Variants in IGSF21 observed in about 807,000 individuals in gnomAD.
IGSF21 encodes the protein immunoglobin superfamily member 21, also known as immunoglobulin superfamily member 21.
In IGSF21, 28 loss-of-function variants were observed where a neutral mutation model predicts 46.8. The ratio of observed to expected loss-of-function variants is 0.60; its 90% CI spans 0.44 to 0.82. The LOEUF (loss-of-function observed/expected upper bound fraction) is 0.82, where lower values mean the gene tolerates loss of function less well. IGSF21 is among the 40% of genes least tolerant of loss of function. IGSF21 has a pLI of 0.00. For synonymous variants in IGSF21, 284 were observed against 273.6 expected (o/e 1.04, Z -0.38); for missense variants, 624 against 665.5 (o/e 0.94, Z 0.69).
chr1:18,132,828 G>A (rs1392823573), intron 1 of IGSF21, among the ~76,000 whole-genome samples: 2 of 148,864 alleles, frequency 1.3e-5, no homozygotes, highest in Non-Finnish European at 3.0e-5. Flanking sequence ...TAAGCATCTG[G>A]CAAGCCTCCT....
intron 1 of IGSF21, among the ~76,000 whole-genome samples, chr1:18,226,596 T>C (rs778921379): frequency 2.0e-5 from 3 of 152,204 alleles, no homozygotes; most frequent in Non-Finnish European, 2.9e-5. Flanking sequence ...CCTGAAGCCT[T>C]GGACCGTGCA....
At chr1:18,314,250 C>A (rs1402468432) in intron 3 of IGSF21, among the ~76,000 whole-genome samples, 5 of 151,842 alleles carry the variant, frequency 3.3e-5, no homozygotes, top group Admixed American at 6.6e-5. Flanking sequence ...AACCTATTCT[C>A]CTGCATCTGC....
intron 2 of IGSF21, among the ~76,000 whole-genome samples, chr1:18,228,237 A>G (rs2084589720): frequency 1.3e-5 from 2 of 152,106 alleles, no homozygotes. Context: ...TTGTGCTCCT[A>G]TTATGCCCCT....
rs116089797 is a variant in IGSF21 at position 18,378,065 on chromosome 1, G to A, written c.1334-191G>A. Among the ~76,000 whole-genome samples, 1,211 of 152,298 alleles carry A rather than the reference G, an allele frequency of 8.0e-3. 18 individuals are homozygous for A. The highest frequency in any genetic ancestry group is 0.027 in the African/African-American group (1,109 of 41,560). On this transcript the variant is annotated intron_variant, in intron 9 of 9. Transcript: ENST00000251296. ...CTCATGGCCTCTAGGAAATCTGACC[G>A]TAGCCCAGCAAGCCTAGTGGTAGGG...
chr1:18,202,671 G>A (rs1013462965), intron 1 of IGSF21, among the ~76,000 whole-genome samples: 10 of 152,138 alleles, frequency 6.6e-5, no homozygotes, highest in African/African-American at 1.9e-4. Flanking sequence ...AGAACAGTAT[G>A]GGGGAAACCG....
chr1:18,227,517 G>T (rs1043549669), intron 1 of IGSF21, among the ~76,000 whole-genome samples: 5 of 152,030 alleles, frequency 3.3e-5, no homozygotes, highest in Non-Finnish European at 5.9e-5. Context: ...GGGTGGAGGG[G>T]CGATGTTGGG....
intron 3 of IGSF21, among the ~76,000 whole-genome samples, chr1:18,302,124 C>T (rs527248771): frequency 5.8e-4 from 88 of 151,212 alleles, no homozygotes; most frequent in Non-Finnish European, 1.1e-3. Context: ...TTCTCTCCTT[C>T]TTCAGGGGCT....
chr1:18,170,354 G>T (rs939835536), intron 1 of IGSF21, among the ~76,000 whole-genome samples: 2 of 151,890 alleles, frequency 1.3e-5, no homozygotes, highest in African/African-American at 4.8e-5. Context: ...AAGACAAATC[G>T]GTGGCTCCCA....
At chr1:18,300,334 C>T (rs1396450185) in intron 3 of IGSF21, among the ~76,000 whole-genome samples, 1 of 152,220 alleles carries the variant, frequency 6.6e-6, no homozygotes, top group Non-Finnish European at 1.5e-5. Flanking sequence ...CATCCACCTG[C>T]TCGGATGTGC....
At chr1:18,370,377 G>T (rs1195236675) in intron 6 of IGSF21, among the ~76,000 whole-genome samples, 1 of 152,122 alleles carries the variant, frequency 6.6e-6, no homozygotes, top group Non-Finnish European at 1.5e-5. Flanking sequence ...CTTAAAAAAT[G>T]ACCCTGAAAC....
At chr1:18,269,371 T>A (rs2085021487) in intron 2 of IGSF21, among the ~76,000 whole-genome samples, 1 of 152,184 alleles carries the variant, frequency 6.6e-6, no homozygotes, top group Non-Finnish European at 1.5e-5. Context: ...TGATCCTGTG[T>A]CATTGGCATG....
intron 1 of IGSF21, among the ~76,000 whole-genome samples, chr1:18,151,559 C>G (rs1431698114): frequency 6.6e-6 from 1 of 152,220 alleles, no homozygotes; most frequent in Non-Finnish European, 1.5e-5. Context: ...CCAAATCCAA[C>G]ACTGATGGGG....
At chr1:18,143,473 G>C (rs2086436981) in intron 1 of IGSF21, among the ~76,000 whole-genome samples, 1 of 152,128 alleles carries the variant, frequency 6.6e-6, no homozygotes, top group African/African-American at 2.4e-5. Context: ...CAGTCATAAA[G>C]TGCAAACTCC....
intron 4 of IGSF21, among the ~76,000 whole-genome samples, chr1:18,345,345 C>A (rs1341780292): frequency 6.6e-6 from 1 of 152,206 alleles, no homozygotes; most frequent in African/African-American, 2.4e-5. Context: ...CTACCAGCTT[C>A]TGCAACTAAT....
intron 2 of IGSF21, among the ~76,000 whole-genome samples, chr1:18,270,714 C>A (rs1030150638): frequency 6.6e-6 from 1 of 152,158 alleles, no homozygotes; most frequent in Non-Finnish European, 1.5e-5. Flanking sequence ...TCCTGCCCTT[C>A]GTGCAGACCC....
chr1:18,264,939 G>A (rs566009063), intron 2 of IGSF21, among the ~76,000 whole-genome samples: 3 of 152,276 alleles, frequency 2.0e-5, no homozygotes, highest in East Asian at 3.9e-4. Flanking sequence ...CCACCACACC[G>A]TGCCATCCCA....
intron 3 of IGSF21, among the ~76,000 whole-genome samples, chr1:18,315,369 A>G (rs950486011): frequency 3.3e-5 from 5 of 152,140 alleles, no homozygotes; most frequent in African/African-American, 1.2e-4. Flanking sequence ...CACACTATTA[A>G]TTAAACACAT....
chr1:18,271,106 G>C (rs2085038617), intron 2 of IGSF21, among the ~76,000 whole-genome samples: 1 of 152,154 alleles, frequency 6.6e-6, no homozygotes, highest in Non-Finnish European at 1.5e-5. Flanking sequence ...TGCTCGCAGA[G>C]CTATGGGCAG....
At chr1:18,362,080 G>T in intron 4 of IGSF21, 35 bp from the exon 5 acceptor site, 2 of 1,436,216 alleles carry the variant, frequency 1.4e-6, no homozygotes, top group Non-Finnish European at 1.9e-6. Context: ...TCTCCCAGTT[G>T]AGCCCTTGTC....
Sources: allele counts gnomAD v4.1 joint callset (sites outside exome capture counted in the v4.1 genomes callset), GRCh38; gene constraint gnomAD v4.1.1; transcripts MANE v1.5; gene names NCBI Gene and HGNC (gene_info 2026-07-23, HGNC 2026-07-21).